Variants in SH2D6 observed in about 807,000 individuals in gnomAD.
The protein encoded by SH2D6 is SH2 domain containing 6.
In SH2D6, 31 loss-of-function variants were observed where a neutral mutation model predicts 30.2. The observed-to-expected ratio is 1.03, with a 90% confidence interval of 0.77 to 1.38. SH2D6 has a LOEUF of 1.38. Ranked by LOEUF, SH2D6 falls within the 40% of genes most tolerant of loss-of-function variation. SH2D6 has a pLI of 0.00. For missense variants in SH2D6, 240 were observed against 266.8 expected, an observed-to-expected ratio of 0.90 and a Z score of 0.70; for synonymous variants, 93 against 104.6, an observed-to-expected ratio of 0.89 and a Z score of 0.68.
intron 19 of SH2D6, 112 bp downstream of exon 19, chr2:85,434,609 A>G: frequency 2.4e-6 from 3 of 1,264,000 alleles, no homozygotes; most frequent in Non-Finnish European, 3.2e-6. Flanking sequence ...ACTGCACTTG[A>G]CTAGACTTAA....
chr2:85,423,511 G>A (rs1241834689), intron 5 of SH2D6, among the ~76,000 whole-genome samples: 1 of 152,210 alleles, frequency 6.6e-6, no homozygotes, highest in Non-Finnish European at 1.5e-5. Context: ...GGGGTTAGAG[G>A]TGTGAGCCAC....
chr2:85,434,623 A>AG (rs1253692345), intron 19 of SH2D6, 126 bp downstream of exon 19: 3 of 1,364,050 alleles, frequency 2.2e-6, no homozygotes, highest in Non-Finnish European at 2.9e-6. Context: ...GACTTAAAAA[A>AG]AAAAAAAAAA....
chr2:85,429,255 G>GCTGGGGGAGGCCCGC (rs1180023143), intron 7 of SH2D6, 117 bp from the exon 8 acceptor site: 3 of 152,348 alleles, frequency 2.0e-5, no homozygotes, highest in Non-Finnish European at 4.4e-5. Flanking sequence ...GGAGACCACA[G>GCTGGGGGAGGCCCGC]CTGGGGGAGG....
chr2:85,425,021 G>A (rs1277974822), intron 5 of SH2D6, among the ~76,000 whole-genome samples: 1 of 146,824 alleles, frequency 6.8e-6, no homozygotes, highest in East Asian at 2.1e-4. Context: ...AGCCAAGATC[G>A]TGCCACTGCA....
chr2:85,432,485 C>T (rs12998459), intron 14 of SH2D6, among the ~76,000 whole-genome samples: 26,918 of 151,344 alleles, frequency 0.18, 2,664 homozygotes, highest in East Asian at 0.29. Flanking sequence ...CTGCAGGCTC[C>T]GCCCCCTGGG....
intron 5 of SH2D6, 50 bp from the exon 6 acceptor site, chr2:85,425,253 CTTTCT>C (rs1687943635): frequency 7.8e-6 from 1 of 128,128 alleles, no homozygotes; most frequent in South Asian, 2.5e-4. Flanking sequence ...TCTTTTCTTT[CTTTCT>C]TTTTTTTTTT....
In SH2D6 at chr2:85,431,206, C is replaced by G. The variant is rs1354268605; in HGVS notation, c.251-4C>G. On this transcript the variant is annotated splice_polypyrimidine_tract_variant and splice_region_variant and intron_variant, in intron 12 of 23. Transcript: ENST00000469800. The stretch of plus-strand genomic sequence containing the variant: ...CAACTCACAACAAATGCGATCTTTT[C>G]CAGATCACTCTGGCCCCCTGGGTCC... 6.6e-6 allele frequency: 1 copy of G among 152,654 alleles called. No homozygotes were observed. Among genetic ancestry groups the G allele is most frequent in the South Asian group, 2.1e-4 (1 of 4,838 alleles). 9.5% of individuals were successfully genotyped at this position (152,654 alleles called of 1,614,324 possible).
At chr2:85,420,821 C>A (rs1000539080) in intron 2 of SH2D6, 1 of 152,360 alleles carries the variant, frequency 6.6e-6, no homozygotes, top group Non-Finnish European at 1.5e-5. Context: ...CATGCCCCTC[C>A]TCACCACCAG....
chr2:85,426,117 C>T (rs1186178807), intron 6 of SH2D6, among the ~76,000 whole-genome samples: 1 of 152,198 alleles, frequency 6.6e-6, no homozygotes, highest in Non-Finnish European at 1.5e-5. Flanking sequence ...CGCTCTCCCA[C>T]CTCTGAGACC....
intron 19 of SH2D6, 50 bp from the exon 20 acceptor site, chr2:85,435,015 A>ACCCCCCCCC: frequency 6.8e-6 from 4 of 589,464 alleles, no homozygotes; most frequent in East Asian, 8.0e-5. Context: ...ACCTTTGCCC[A>ACCCCCCCCC]CCCCCACCCC....
At position 85,435,110 on chromosome 2, in the gene SH2D6, C is replaced by T; in HGVS notation, c.635C>T (p.Ala212Val). The T allele has an allele frequency of 6.6e-7, 1 of 1,522,874 alleles. No individual in the cohort carries two copies. Among genetic ancestry groups the T allele is most frequent in the Non-Finnish European group, 8.9e-7 (1 of 1,124,080 alleles). 94.3% of individuals were successfully genotyped at this position (1,522,874 alleles called of 1,614,324 possible). A position where few individuals can be genotyped will look rare whatever the true frequency, so the allele number is the denominator to read the frequency against. Residue 212 changes from alanine to valine, a missense_variant, in exon 20 of 24, where the codon GCC becomes GTC. By Grantham distance (64) the Ala-to-Val change is moderately conservative. Transcript: ENST00000469800. Reference protein sequence around the residue: ...SLPSVAPTGSASAAEDSDLLT... With the variant: ...SLPSVAPTGSVSAAEDSDLLT... ...CCCTCTGTAGCCCCCACTGGGAGTG[C>T]CTCAGCTGCTGAGGTGAGGAGGGGC... is the stretch of plus-strand genomic sequence containing the variant.
At chr2:85,436,155 A>T (rs1303384539) in intron 22 of SH2D6, among the ~76,000 whole-genome samples, 1 of 152,150 alleles carries the variant, frequency 6.6e-6, no homozygotes, top group Non-Finnish European at 1.5e-5. Flanking sequence ...GCTAGGATGC[A>T]AACTAGAGAC....
At position 85,433,597 on chromosome 2, in the gene SH2D6, TGAG is replaced by T. The variant is rs1286339159; in HGVS notation, c.423_425del (p.Glu141del). 1 of 1,004,328 alleles carries T rather than the reference TGAG, an allele frequency of 1.0e-6. No homozygotes were observed. The highest frequency in any genetic ancestry group is 1.1e-4 in the East Asian group (1 of 9,360). 62.2% of individuals were successfully genotyped at this position (1,004,328 alleles called of 1,614,324 possible). A position where few individuals can be genotyped will look rare whatever the true frequency, so the allele number is the denominator to read the frequency against. On this transcript the variant is annotated inframe_deletion, in exon 16 of 24. Coordinates refer to ENST00000469800, the MANE Select transcript of SH2D6 (RefSeq NM_001394463.1). ...TGCCAGGCCCTCCAAAGAAACCTGA[TGAG>T]GACCTCTACTTGGAATGTGAGCCGG...
chr2:85,434,528 T>G, intron 19 of SH2D6, 31 bp downstream of exon 19: 1 of 1,549,620 alleles, frequency 6.5e-7, no homozygotes. Context: ...AGGTAGTGAG[T>G]TATCCCAACT....
In SH2D6 at chr2:85,422,321, C is replaced by A. The variant is rs767215504; in HGVS notation, c.-465+7C>A. 4.6e-5 allele frequency: 7 copies of A among 151,988 alleles called. No homozygotes were observed. The highest frequency in any genetic ancestry group is 1.2e-4 in the African/African-American group (5 of 41,368). The allele number at this position is 151,988 out of a possible 1,614,324, so 9.4% of individuals were successfully genotyped here. A position where few individuals can be genotyped will look rare whatever the true frequency, so the allele number is the denominator to read the frequency against. ...GACCAGCCTGGACAACATAGTGAGA[C>A]CCCATATCTGTTTTTAAATTAAAAA... On this transcript the variant is annotated splice_region_variant and intron_variant, in intron 3 of 23. Transcript: ENST00000469800.
At chr2:85,435,176 G>A (rs1191592604) in intron 20 of SH2D6, 53 bp downstream of exon 20, 1 of 1,566,168 alleles carries the variant, frequency 6.4e-7, no homozygotes, top group East Asian at 2.2e-5. Context: ...AGCAGAGCCT[G>A]AGAGTCCTTA....
chr2:85,432,501 C>T (rs1228083486), intron 14 of SH2D6, among the ~76,000 whole-genome samples: 2 of 151,622 alleles, frequency 1.3e-5, no homozygotes, highest in Admixed American at 1.3e-4. Flanking sequence ...CTGGGGTTCA[C>T]GCCATTCTCC....
At chr2:85,425,257 C>CTTTTTTTTTTTTTT (rs56321596) in intron 5 of SH2D6, 51 bp from the exon 6 acceptor site, 3 of 96,156 alleles carry the variant, frequency 3.1e-5, no homozygotes, top group Admixed American at 1.1e-4. Flanking sequence ...TTCTTTCTTT[C>CTTTTTTTTTTTTTT]TTTTTTTTTT....
rs924507360 is a variant in SH2D6 at position 85,422,477 on chromosome 2, A to C, written c.-417A>C. ...GCCTGGGCCTCAGTCACATTGGAGG[A>C]GCAGAGAGAGAAGGTGAGTGTGAGG... On this transcript the variant is annotated 5_prime_UTR_variant, in exon 4 of 24. Transcript: ENST00000469800. 5 of 152,212 alleles carry C rather than the reference A, an allele frequency of 3.3e-5. No homozygotes were observed. The highest frequency in any genetic ancestry group is 1.2e-4 in the African/African-American group (5 of 41,428). The allele number at this position is 152,212 out of a possible 1,614,324, so 9.4% of individuals were successfully genotyped here.
Sources: gnomAD v4.1 joint callset for allele counts (sites outside exome capture counted in the v4.1 genomes callset) on GRCh38, gnomAD v4.1.1 for gene constraint, MANE v1.5 for transcripts, NCBI Gene and HGNC (gene_info 2026-07-23, HGNC 2026-07-21) for gene names.